The following SORCS1 variants were observed in gnomAD, a reference collection of about 807,000 sequenced individuals.
SORCS1 encodes the protein sortilin related VPS10 domain containing receptor 1, also known as VPS10 domain-containing receptor SorCS1.
Under a neutral mutation model 146.1 loss-of-function variants are expected in SORCS1, and 60 were observed. That is an observed-to-expected ratio of 0.41 (90% CI 0.33 to 0.51). The LOEUF (loss-of-function observed/expected upper bound fraction) is 0.51, where lower values mean the gene tolerates loss of function less well. Among genes scored for constraint, SORCS1 ranks in the 20% least tolerant of loss-of-function variants. SORCS1 has a pLI of 0.21. For missense variants in SORCS1, 1,352 were observed against 1,487.6 expected, an observed-to-expected ratio of 0.91 and a Z score of 1.50; for synonymous variants, 637 against 584.0, an observed-to-expected ratio of 1.09 and a Z score of -1.31.
At chr10:106,707,336 T>C (rs942008566) in intron 7 of SORCS1, among the ~76,000 whole-genome samples, 1 of 151,882 alleles carries the variant, frequency 6.6e-6, no homozygotes, top group East Asian at 1.9e-4. Flanking sequence ...TTACAAGCCC[T>C]TGCCACCACA....
intron 1 of SORCS1, among the ~76,000 whole-genome samples, chr10:107,163,401 C>G (rs994171562): frequency 3.9e-5 from 6 of 152,196 alleles, no homozygotes; most frequent in African/African-American, 1.4e-4. Context: ...CTGAAACTTG[C>G]ATCCACTTGG....
chr10:107,065,406 C>CTT (rs1465144878), intron 1 of SORCS1, among the ~76,000 whole-genome samples: 5 of 139,068 alleles, frequency 3.6e-5, no homozygotes, highest in African/African-American at 1.4e-4. Flanking sequence ...CATTTTCTTT[C>CTT]TCTCTTTCTT....
chr10:106,957,177 T>TG (rs1954996617), intron 1 of SORCS1, among the ~76,000 whole-genome samples: 1 of 136,160 alleles, frequency 7.3e-6, no homozygotes, highest in Non-Finnish European at 1.5e-5. Context: ...TTTTTTTGTT[T>TG]TTTTTTTTGG....
intron 2 of SORCS1, among the ~76,000 whole-genome samples, chr10:106,912,023 G>T (rs1952185015): frequency 6.6e-6 from 1 of 150,540 alleles, no homozygotes; most frequent in Admixed American, 6.7e-5. Flanking sequence ...TGAGACAGGA[G>T]AATAGCGTGA....
intron 1 of SORCS1, among the ~76,000 whole-genome samples, chr10:107,042,871 A>G (rs149955588): frequency 1.1e-4 from 16 of 152,206 alleles, no homozygotes; most frequent in African/African-American, 2.4e-4. Flanking sequence ...CGGCCTCCCA[A>G]TGTTCTGGGA....
intron 2 of SORCS1, among the ~76,000 whole-genome samples, chr10:106,916,695 C>A (rs946232430): frequency 1.3e-5 from 2 of 150,948 alleles, no homozygotes; most frequent in African/African-American, 4.9e-5. Flanking sequence ...TTAAAGATCT[C>A]TTCTACATAA....
chr10:106,905,589 T>A (rs1951876926), intron 2 of SORCS1, among the ~76,000 whole-genome samples: 1 of 152,180 alleles, frequency 6.6e-6, no homozygotes. Flanking sequence ...AAATTTCATT[T>A]CCAGGTAATT....
chr10:106,699,026 C>T (rs913016300), intron 9 of SORCS1, among the ~76,000 whole-genome samples, 188 bp downstream of exon 9: 1 of 152,220 alleles, frequency 6.6e-6, no homozygotes, highest in Non-Finnish European at 1.5e-5. Flanking sequence ...CTCCCAGAAT[C>T]CCCCAGAGAT....
At chr10:107,172,725 G>A in the SORCS1 span, among the ~76,000 whole-genome samples, 7 of 152,234 alleles carry the variant, frequency 4.6e-5, no homozygotes, top group East Asian at 9.6e-4. Flanking sequence ...CAGATGATCA[G>A]CACTAGAATG....
intron 22 of SORCS1, among the ~76,000 whole-genome samples, chr10:106,611,280 C>T (rs560011937): frequency 8.5e-5 from 13 of 152,250 alleles, no homozygotes; most frequent in African/African-American, 2.6e-4. Context: ...TTTGCAGCTC[C>T]ATCCTCTATT....
chr10:106,699,495 G>A, intron 8 of SORCS1, 102 bp from the exon 9 acceptor site: 2 of 963,912 alleles, frequency 2.1e-6, no homozygotes, highest in Admixed American at 3.3e-5. Context: ...ACCAGAATGA[G>A]CACTTTAATG....
intron 2 of SORCS1, among the ~76,000 whole-genome samples, chr10:106,885,950 G>T (rs374829586): frequency 6.6e-6 from 1 of 152,210 alleles, no homozygotes; most frequent in African/African-American, 2.4e-5. Flanking sequence ...CTAGCCATGT[G>T]CAACTGTGAG....
At chr10:106,681,789 A>C (rs950381110) in intron 10 of SORCS1, among the ~76,000 whole-genome samples, 4 of 152,184 alleles carry the variant, frequency 2.6e-5, no homozygotes, top group Admixed American at 2.0e-4. Flanking sequence ...GTTATTTGCC[A>C]CCTGACCTAA....
chr10:106,602,796 T>A (rs1846331671), intron 23 of SORCS1, among the ~76,000 whole-genome samples: 1 of 152,134 alleles, frequency 6.6e-6, no homozygotes, highest in South Asian at 2.1e-4. Context: ...GTAATTTGAC[T>A]CCCCAAGTTA....
At chr10:107,111,187 A>G (rs1231854577) in intron 1 of SORCS1, among the ~76,000 whole-genome samples, 1 of 152,216 alleles carries the variant, frequency 6.6e-6, no homozygotes, top group Non-Finnish European at 1.5e-5. Flanking sequence ...ACATGACACC[A>G]CCAAAGGAAA....
chr10:106,737,342 T>C (rs1206319320), intron 5 of SORCS1, among the ~76,000 whole-genome samples: 1 of 152,230 alleles, frequency 6.6e-6, no homozygotes, highest in Non-Finnish European at 1.5e-5. Context: ...TTAATGACTT[T>C]GCTTTTTCCA....
chr10:106,634,329 C>T (rs759445412), intron 18 of SORCS1, among the ~76,000 whole-genome samples: 12 of 152,166 alleles, frequency 7.9e-5, no homozygotes, highest in Admixed American at 2.0e-4. Context: ...TTGAAAGTTG[C>T]ACATTTCTAT....
At chr10:106,950,913 T>C (rs932675722) in intron 2 of SORCS1, among the ~76,000 whole-genome samples, 5 of 152,142 alleles carry the variant, frequency 3.3e-5, no homozygotes, top group Non-Finnish European at 7.3e-5. Context: ...TCCAGTATTG[T>C]CATTATTACC....
At chr10:106,812,421 C>A (rs545701392) in intron 3 of SORCS1, among the ~76,000 whole-genome samples, 1 of 152,134 alleles carries the variant, frequency 6.6e-6, no homozygotes, top group East Asian at 1.9e-4. Flanking sequence ...GAAGCTGGAG[C>A]CATTGCTGTT....
Sources: allele counts gnomAD v4.1 joint callset (sites outside exome capture counted in the v4.1 genomes callset), GRCh38; gene constraint gnomAD v4.1.1; transcripts MANE v1.5; gene names NCBI Gene and HGNC (gene_info 2026-07-23, HGNC 2026-07-21).